Variants in ECT2L observed in about 807,000 individuals in gnomAD.
ECT2L encodes the protein epithelial cell transforming 2 like, also known as epithelial cell-transforming sequence 2 oncogene-like.
Under a neutral mutation model 122.8 loss-of-function variants are expected in ECT2L, and 126 were observed. The ratio of observed to expected loss-of-function variants is 1.03; its 90% confidence interval spans 0.89 to 1.19. The LOEUF is 1.19. Ranked by LOEUF, ECT2L falls within the 50% of genes most tolerant of loss-of-function variation. ECT2L has a pLI of 0.00. For missense variants in ECT2L, 1,012 were observed against 1,064.1 expected (o/e 0.95, Z 0.68); for synonymous variants, 385 against 381.8 (o/e 1.01, Z -0.10).
At chr6:138,810,781 A>C (rs1775866298) in intron 1 of ECT2L, among the ~76,000 whole-genome samples, 1 of 152,210 alleles carries the variant, frequency 6.6e-6, no homozygotes, top group Admixed American at 6.5e-5. Context: ...CAAGGACCAG[A>C]TAACTTGTCT....
At chr6:138,819,801 C>T (rs1341045765) in intron 4 of ECT2L, among the ~76,000 whole-genome samples, 1 of 151,762 alleles carries the variant, frequency 6.6e-6, no homozygotes, top group Non-Finnish European at 1.5e-5. Context: ...GCAGGAGAAT[C>T]GCTTGAACCT....
chr6:138,866,943 G>A (rs1357973671), intron 12 of ECT2L, among the ~76,000 whole-genome samples: 2 of 151,934 alleles, frequency 1.3e-5, no homozygotes, highest in African/African-American at 2.4e-5. Context: ...GCCTGGTGAC[G>A]TGTGCCTGTA....
chr6:138,817,609 T>A (rs1776114344), intron 4 of ECT2L, among the ~76,000 whole-genome samples: 1 of 152,214 alleles, frequency 6.6e-6, no homozygotes, highest in African/African-American at 2.4e-5. Context: ...CAATTTTCTT[T>A]TAAAAAATTA....
rs760916104 is a variant in ECT2L at position 138,885,671 on chromosome 6, C to T, written c.2103-3C>T. ...AGAGCTCCCTTCTCTATGCCTCATA[C>T]AGCCTGCCAGAGCTGCTGCTGTACC... On this transcript the variant is annotated splice_region_variant and splice_polypyrimidine_tract_variant and intron_variant, in intron 17 of 21. Transcript: ENST00000541398. The T allele has an allele frequency of 1.9e-6, 3 of 1,613,868 alleles. No individual in the cohort carries two copies. Among genetic ancestry groups the T allele is most frequent in the Non-Finnish European group, 2.5e-6 (3 of 1,179,866 alleles).
intron 1 of ECT2L, among the ~76,000 whole-genome samples, chr6:138,797,740 C>T (rs115828893): frequency 0.014 from 2,058 of 152,234 alleles, 44 homozygotes; most frequent in African/African-American, 0.048. Flanking sequence ...TTCTTCCCAC[C>T]GACAACCAAT....
At chr6:138,882,900 T>C in intron 16 of ECT2L, 29 bp downstream of exon 16, 2 of 1,610,494 alleles carry the variant, frequency 1.2e-6, no homozygotes, top group Non-Finnish European at 1.7e-6. Context: ...CATCATTCTA[T>C]AAGACCTGAG....
intron 1 of ECT2L, among the ~76,000 whole-genome samples, chr6:138,800,645 TCA>T (rs1022316031): frequency 1.3e-5 from 2 of 152,202 alleles, no homozygotes; most frequent in African/African-American, 4.8e-5. Context: ...AGTAAGAAGA[TCA>T]CAGAGTTGAT....
At position 138,881,146 on chromosome 6, in the gene ECT2L, A is replaced by G; in HGVS notation, c.1855A>G (p.Ile619Val). 1 of 1,614,106 alleles carries G rather than the reference A, an allele frequency of 6.2e-7. No individual in the cohort carries two copies. Among genetic ancestry groups the G allele is most frequent in the Non-Finnish European group, 8.5e-7 (1 of 1,179,978 alleles). ...AANIQIIFCD[I>V]LQILSLNRQF... ...CAATATCCAGATCATTTTCTGTGAC[A>G]TTCTACAGATTTTAAGTCTCAACAG... Residue 619 changes from isoleucine to valine, a missense_variant, in exon 15 of 22, where the codon ATT (isoleucine) becomes GTT (valine). By Grantham distance (29) the Ile-to-Val change is conservative. Transcript: ENST00000541398.
intron 20 of ECT2L, among the ~76,000 whole-genome samples, chr6:138,900,004 G>A (rs1779345497): frequency 6.6e-6 from 1 of 152,210 alleles, no homozygotes. Flanking sequence ...GGAGGTTGAG[G>A]ACACCAAATT....
chr6:138,901,752 T>C (rs903287827), intron 21 of ECT2L, among the ~76,000 whole-genome samples: 5 of 152,252 alleles, frequency 3.3e-5, no homozygotes, highest in African/African-American at 7.2e-5. Flanking sequence ...ATCTTATTCC[T>C]ATATCTGTTA....
At chr6:138,814,747 T>A (rs1776013484) in intron 4 of ECT2L, 144 bp downstream of exon 4, 1 of 539,206 alleles carries the variant, frequency 1.9e-6, no homozygotes, top group Admixed American at 3.2e-5. Flanking sequence ...AAACAGACTT[T>A]TCCAGTGCCT....
At chr6:138,873,504 A>G (rs77241509) in intron 13 of ECT2L, among the ~76,000 whole-genome samples, 2,096 of 152,262 alleles carry the variant, frequency 0.014, 31 homozygotes, top group Admixed American at 0.046. Flanking sequence ...TGCTTTAAAG[A>G]CCCTTCCAGC....
At chr6:138,836,540 G>C (rs559286340) in intron 4 of ECT2L, among the ~76,000 whole-genome samples, 1 of 151,798 alleles carries the variant, frequency 6.6e-6, no homozygotes, top group East Asian at 1.9e-4. Context: ...CACCCACCTC[G>C]GCCTCCCAAA....
intron 10 of ECT2L, among the ~76,000 whole-genome samples, chr6:138,856,914 C>G (rs759087909): frequency 2.6e-5 from 4 of 152,114 alleles, no homozygotes; most frequent in Non-Finnish European, 5.9e-5. Context: ...TTTCAATAAC[C>G]CTGTCTCTCA....
intron 4 of ECT2L, among the ~76,000 whole-genome samples, chr6:138,832,651 G>A (rs9389624): frequency 0.058 from 8,828 of 152,114 alleles, 370 homozygotes; most frequent in East Asian, 0.2. Flanking sequence ...CTGGACTCCT[G>A]TCAGTAGGAA....
chr6:138,853,031 G>A (rs1017110130), intron 9 of ECT2L, among the ~76,000 whole-genome samples: 3 of 152,056 alleles, frequency 2.0e-5, no homozygotes, highest in Non-Finnish European at 2.9e-5. Flanking sequence ...ACAGCGGCAC[G>A]ATCTTGGCTC....
At chr6:138,808,932 G>T (rs1488771022) in intron 1 of ECT2L, among the ~76,000 whole-genome samples, 1 of 151,990 alleles carries the variant, frequency 6.6e-6, no homozygotes, top group Non-Finnish European at 1.5e-5. Flanking sequence ...TTGCTATGTT[G>T]GCCAGGCTGG....
intron 1 of ECT2L, among the ~76,000 whole-genome samples, chr6:138,808,715 T>C (rs1401029691): frequency 1.3e-5 from 2 of 148,300 alleles, no homozygotes; most frequent in African/African-American, 2.5e-5. Flanking sequence ...ATTTAATTTT[T>C]TCCTTTCTCT....
intron 18 of ECT2L, among the ~76,000 whole-genome samples, chr6:138,886,266 A>T (rs1562492876): frequency 6.6e-6 from 1 of 152,178 alleles, no homozygotes; most frequent in African/African-American, 2.4e-5. Flanking sequence ...CATTCTGAAA[A>T]TATTATTATT....
Sources: allele counts gnomAD v4.1 joint callset (sites outside exome capture counted in the v4.1 genomes callset), GRCh38; gene constraint gnomAD v4.1.1; transcripts MANE v1.5; gene names NCBI Gene and HGNC (gene_info 2026-07-23, HGNC 2026-07-21).